TCF12: variants seen among roughly 807,000 people sequenced by gnomAD.
TCF12 encodes DNA-binding protein HTF4.
Under a neutral mutation model 86.0 loss-of-function variants are expected in TCF12, and 45 were observed. The observed-to-expected ratio is 0.52, with a 90% CI of 0.41 to 0.67. TCF12 has a LOEUF of 0.67. TCF12 is among the 30% of genes least tolerant of loss of function. The probability of loss-of-function intolerance (pLI) is 0.00; values close to 1 mark genes in which losing one functional copy is unlikely to be tolerated. For missense variants in TCF12, 881 were observed against 859.9 expected, an observed-to-expected ratio of 1.02 and a Z score of -0.31; for synonymous variants, 330 against 299.6, an observed-to-expected ratio of 1.10 and a Z score of -1.05.
chr15:57,098,184 C>CA (rs1185763119), intron 5 of TCF12, among the ~76,000 whole-genome samples: 1 of 151,790 alleles, frequency 6.6e-6, no homozygotes, highest in Admixed American at 6.6e-5. Flanking sequence ...GACTCCATCT[C>CA]AAAAAAACAA....
intron 3 of TCF12, among the ~76,000 whole-genome samples, chr15:57,059,518 A>G (rs1345673678): frequency 1.3e-5 from 2 of 151,878 alleles, no homozygotes; most frequent in Non-Finnish European, 2.9e-5. Context: ...ACTTTACCCT[A>G]GTCTTGGTTC....
chr15:57,161,068 A>G (rs1596935229), intron 5 of TCF12, among the ~76,000 whole-genome samples: 1 of 152,090 alleles, frequency 6.6e-6, no homozygotes. Context: ...GAATGTATGG[A>G]TCTTAGATTC....
chr15:57,094,181 T>A (rs1376670496), intron 5 of TCF12, among the ~76,000 whole-genome samples: 1 of 152,196 alleles, frequency 6.6e-6, no homozygotes, highest in South Asian at 2.1e-4. Flanking sequence ...AGCCACCATG[T>A]CTGGCCCAGA....
intron 3 of TCF12, among the ~76,000 whole-genome samples, chr15:57,015,498 C>T (rs1177351221): frequency 1.3e-5 from 2 of 152,088 alleles, no homozygotes; most frequent in South Asian, 4.1e-4. Context: ...TCAGTTATTC[C>T]ATAAAGTGGC....
At chr15:56,961,951 A>T (rs1427417774) in intron 3 of TCF12, among the ~76,000 whole-genome samples, 1 of 151,804 alleles carries the variant, frequency 6.6e-6, no homozygotes, top group African/African-American at 2.4e-5. Context: ...GACCACGGTG[A>T]AACCCCGTCT....
At chr15:57,184,190 G>A (rs2056529831) in intron 6 of TCF12, among the ~76,000 whole-genome samples, 1 of 151,984 alleles carries the variant, frequency 6.6e-6, no homozygotes, top group Non-Finnish European at 1.5e-5. Flanking sequence ...AATATTTTAG[G>A]TTTTAACAGA....
chr15:56,996,494 CT>C, intron 3 of TCF12, among the ~76,000 whole-genome samples: 1 of 152,198 alleles, frequency 6.6e-6, no homozygotes, highest in South Asian at 2.1e-4. Context: ...CAAAAATTAA[CT>C]GAAGATGGAT....
chr15:57,266,337 C>G (rs2060870291), intron 18 of TCF12, among the ~76,000 whole-genome samples: 1 of 152,064 alleles, frequency 6.6e-6, no homozygotes. Context: ...CTCATCCTCC[C>G]AAAGTGCTGG....
intron 3 of TCF12, among the ~76,000 whole-genome samples, chr15:57,015,974 G>T (rs2065130161): frequency 6.6e-6 from 1 of 152,062 alleles, no homozygotes; most frequent in South Asian, 2.1e-4. Flanking sequence ...AGACCTTTAG[G>T]TATTTAAGGA....
chr15:56,963,049 T>TA (rs1555459050), intron 3 of TCF12, among the ~76,000 whole-genome samples: 12 of 144,604 alleles, frequency 8.3e-5, no homozygotes, highest in East Asian at 2.2e-4. Context: ...TTTTTTTTTT[T>TA]ACCTTCTGTA....
intron 4 of TCF12, among the ~76,000 whole-genome samples, chr15:57,070,221 T>G (rs1479234224): frequency 1.3e-5 from 2 of 151,996 alleles, no homozygotes; most frequent in African/African-American, 4.8e-5. Flanking sequence ...TAGTAATAGG[T>G]ATGTTCTGAG....
intron 20 of TCF12, among the ~76,000 whole-genome samples, chr15:57,284,586 G>C (rs1196971670): frequency 3.3e-5 from 5 of 152,248 alleles, no homozygotes; most frequent in Non-Finnish European, 7.3e-5. Context: ...TAAACTGATA[G>C]ATTATTTCAA....
rs190195890 is a variant in TCF12 at position 56,950,848 on chromosome 15, C to T, written c.148+29750C>T. On this transcript the variant is annotated intron_variant, in intron 3 of 20. Transcript: ENST00000333725. The stretch of plus-strand genomic sequence containing the variant: ...CTCGGCTTACCACAACCTCTTCCTC[C>T]CAGGTTCAAGCGATTCTCGTGCCTC... 2.0e-5 allele frequency among the ~76,000 whole-genome samples: 3 copies of T among 149,208 alleles called. No individual in the cohort carries two copies. The East Asian group carries it at 6.0e-4, about 30-fold the overall frequency.
At position 57,252,275 on chromosome 15, in the gene TCF12, T is replaced by G. The variant is rs191546340; in HGVS notation, c.1189-146T>G. 2.5e-5 allele frequency: 15 copies of G among 589,028 alleles called. No individual in the cohort carries two copies. In the East Asian group the frequency reaches 4.0e-4, roughly 16 times the overall value. 36.5% of individuals were successfully genotyped at this position (589,028 alleles called of 1,614,324 possible). ...ACTTCCCTGTTGAATCCCAGCCTTTTCATATCTTAATAAAATAGATCTCGC... is the reference window on the plus strand; with the variant it reads ...ACTTCCCTGTTGAATCCCAGCCTTTGCATATCTTAATAAAATAGATCTCGC... On this transcript the variant is annotated intron_variant, in intron 14 of 20. Coordinates refer to ENST00000333725, the MANE Select transcript of TCF12 (RefSeq NM_207037.2).
chr15:56,940,541 CCTTCTTCTT>C (rs1277796587), intron 3 of TCF12, among the ~76,000 whole-genome samples: 1 of 146,800 alleles, frequency 6.8e-6, no homozygotes, highest in African/African-American at 2.6e-5. Flanking sequence ...TCCTTCTTCT[CCTTCTTCTT>C]CCTTTTCCTC....
intron 4 of TCF12, among the ~76,000 whole-genome samples, chr15:57,090,551 T>C (rs1319233395): frequency 6.6e-6 from 1 of 152,208 alleles, no homozygotes; most frequent in Admixed American, 6.5e-5. Context: ...GATTTGACAG[T>C]TATTTAGCCC....
intron 8 of TCF12, among the ~76,000 whole-genome samples, chr15:57,210,622 C>A (rs2058062513): frequency 1.3e-5 from 2 of 152,098 alleles, no homozygotes; most frequent in African/African-American, 4.8e-5. Flanking sequence ...GTATCGTGTT[C>A]TTTTATTCAT....
intron 20 of TCF12, among the ~76,000 whole-genome samples, chr15:57,282,847 C>G (rs1157729723): frequency 6.6e-6 from 1 of 152,190 alleles, no homozygotes; most frequent in Non-Finnish European, 1.5e-5. Flanking sequence ...TGTTCGGAGT[C>G]ATCATGTGTA....
intron 3 of TCF12, among the ~76,000 whole-genome samples, chr15:56,956,143 G>A (rs2061496745): frequency 6.6e-6 from 1 of 151,538 alleles, no homozygotes; most frequent in Non-Finnish European, 1.5e-5. Context: ...ATTTTTACCA[G>A]CATATAATTG....
Sources: gnomAD v4.1 joint callset for allele counts (sites outside exome capture counted in the v4.1 genomes callset) on GRCh38, gnomAD v4.1.1 for gene constraint, MANE v1.5 for transcripts, NCBI Gene and HGNC (gene_info 2026-07-23, HGNC 2026-07-21) for gene names.